AQR: variants seen among roughly 807,000 people sequenced by gnomAD.
AQR encodes RNA helicase aquarius.
Under a neutral mutation model 180.5 loss-of-function variants are expected in AQR, and 61 were observed. That is an observed-to-expected ratio of 0.34 (90% CI 0.28 to 0.42). AQR has a LOEUF of 0.42. Among genes scored for constraint, AQR ranks in the 10% least tolerant of loss-of-function variants. The pLI is 1.00. For synonymous variants in AQR, 551 were observed against 588.8 expected, an observed-to-expected ratio of 0.94 and a Z score of 0.93; for missense variants, 1,281 against 1,798.3, an observed-to-expected ratio of 0.71 and a Z score of 5.20.
chr15:34,926,939 C>T (rs1893773703), intron 13 of AQR, 96 bp downstream of exon 13: 1 of 634,690 alleles, frequency 1.6e-6, no homozygotes, highest in Non-Finnish European at 2.5e-6. Context: ...GTAATATTAT[C>T]TAAAGTACTG....
chr15:34,859,158 A>G (rs1892633616), intron 34 of AQR, among the ~76,000 whole-genome samples: 1 of 152,224 alleles, frequency 6.6e-6, no homozygotes, highest in African/African-American at 2.4e-5. Context: ...TAAAATACAT[A>G]TCAGATAAAG....
chr15:34,874,843 G>C lies in AQR; in HGVS notation c.3259C>G (p.Arg1087Gly), dbSNP rs1166192194. Residue 1087 changes from arginine (R) to glycine (G), a missense_variant, in exon 29 of 35, where the codon CGA (arginine) becomes GGA (glycine). This residue lies in a region of AQR where 197 missense variants were observed against 320.7 expected (regional missense o/e 0.61). Coordinates refer to ENST00000156471, the MANE Select transcript of AQR (RefSeq NM_014691.3). ...CCAATCATAATCCATCGTTTTAGTC[G>C]GCTAAATCCATCCTGAGGATTCTAG... ...LLQNPQDGFS[R>G]LKRWIMIGDH... 1.2e-6 allele frequency: 2 copies of C among 1,613,252 alleles called. No individual in the cohort carries two copies. The highest frequency in any genetic ancestry group is 1.7e-6 in the Non-Finnish European group (2 of 1,179,672).
chr15:34,885,412 T>C (rs577088158), intron 25 of AQR, among the ~76,000 whole-genome samples: 13 of 152,322 alleles, frequency 8.5e-5, no homozygotes, highest in African/African-American at 3.1e-4. Context: ...GCAAAATATC[T>C]GAGGAGCTAA....
rs1173243389 is a variant in AQR, at chr15:34,897,645, A to T, written c.2304T>A (p.Asp768Glu). Residue 768 changes from aspartate (D) to glutamate (E), a missense_variant, in exon 21 of 35, where the codon GAT becomes GAA. This residue lies in a region of AQR where 112 missense variants were observed against 128.6 expected (regional missense o/e 0.87). Coordinates refer to ENST00000156471, the MANE Select transcript of AQR (RefSeq NM_014691.3). ...AGGTTTTTGCTTCCTCGGTGTCTTC[A>T]TCTTCCACATCCGCATCTTTCCTTT... ...GKKRKDADVE[D>E]EDTEEAKTLI... 4 of 1,614,100 alleles carry T rather than the reference A, an allele frequency of 2.5e-6. No homozygotes were observed. Among genetic ancestry groups the T allele is most frequent in the Non-Finnish European group, 3.4e-6 (4 of 1,179,978 alleles).
chr15:34,913,474 G>A (rs1381107788), intron 16 of AQR, among the ~76,000 whole-genome samples: 2 of 152,082 alleles, frequency 1.3e-5, no homozygotes, highest in Non-Finnish European at 1.5e-5. Flanking sequence ...TCAATGATGG[G>A]CATTAAAAAT....
chr15:34,954,727 ACT>A (rs1269518728), intron 3 of AQR, among the ~76,000 whole-genome samples: 1 of 152,186 alleles, frequency 6.6e-6, no homozygotes, highest in Non-Finnish European at 1.5e-5. Flanking sequence ...TTGCCAATGA[ACT>A]CTCTGAGACA....
intron 25 of AQR, among the ~76,000 whole-genome samples, chr15:34,886,251 G>C (rs990945724): frequency 1.3e-5 from 2 of 152,032 alleles, no homozygotes; most frequent in African/African-American, 4.8e-5. Flanking sequence ...AAAGAAAAAA[G>C]AGTGACTAGA....
At chr15:34,941,081 T>C in intron 7 of AQR, 82 bp from the exon 8 acceptor site, 1 of 937,970 alleles carries the variant, frequency 1.1e-6, no homozygotes, top group East Asian at 2.5e-5. Flanking sequence ...TTGCTAGTTT[T>C]CTAATATATG....
intron 34 of AQR, 59 bp downstream of exon 34, chr15:34,859,983 G>GA: frequency 3.2e-6 from 3 of 932,978 alleles, no homozygotes; most frequent in Middle Eastern, 3.2e-4. Context: ...GATTTATTCT[G>GA]AAAAAAAGAA....
chr15:34,959,833 T>C (rs1241936884), intron 3 of AQR, among the ~76,000 whole-genome samples: 1 of 152,208 alleles, frequency 6.6e-6, no homozygotes, highest in Non-Finnish European at 1.5e-5. Flanking sequence ...ATTCCCTGCC[T>C]CTTGCTCCCT....
chr15:34,914,074 G>C (rs1893541729), intron 16 of AQR, among the ~76,000 whole-genome samples: 1 of 152,236 alleles, frequency 6.6e-6, no homozygotes, highest in East Asian at 1.9e-4. Flanking sequence ...GAAGATACCT[G>C]AATCAGTTCA....
chr15:34,877,095 T>C (rs1566980486), intron 27 of AQR, among the ~76,000 whole-genome samples: 1 of 152,220 alleles, frequency 6.6e-6, no homozygotes, highest in African/African-American at 2.4e-5. Context: ...TATTACACAT[T>C]TGTAAAAGAA....
intron 1 of AQR, among the ~76,000 whole-genome samples, chr15:34,965,235 T>C (rs1009392789): frequency 7.9e-5 from 12 of 152,248 alleles, no homozygotes; most frequent in African/African-American, 2.9e-4. Context: ...TTAATTGGAA[T>C]ACTTAAGAGA....
At chr15:34,938,919 T>G (rs1295613532) in intron 8 of AQR, 106 bp from the exon 9 acceptor site, 14 of 778,490 alleles carry the variant, frequency 1.8e-5, no homozygotes, top group Non-Finnish European at 3.0e-5. Context: ...ACTGTTCATT[T>G]CTTTGTGAAG....
In AQR at chr15:34,930,248, T is replaced by A; in HGVS notation, c.1014+10A>T. ...TGGAGCATACACAGTCTATAATGTA[T>A]TTTAATTACCTGTAGAGAAGTAATT... On this transcript the variant is annotated intron_variant, in intron 12 of 34. Transcript: ENST00000156471. The A allele has an allele frequency of 6.6e-7, 1 of 1,521,998 alleles. No homozygotes were observed. The highest frequency in any genetic ancestry group is 1.1e-5 in the South Asian group (1 of 88,960). 94.3% of individuals were successfully genotyped at this position (1,521,998 alleles called of 1,614,324 possible).
intron 3 of AQR, among the ~76,000 whole-genome samples, chr15:34,956,024 A>G (rs1476151686): frequency 6.6e-6 from 1 of 152,162 alleles, no homozygotes; most frequent in East Asian, 1.9e-4. Flanking sequence ...GCATACTTAC[A>G]TATTATAATG....
At position 34,900,895 on chromosome 15, in the gene AQR, C is replaced by A; in HGVS notation, c.2002-32G>T. The A allele has an allele frequency of 1.9e-6, 3 of 1,552,420 alleles. No homozygotes were observed. In the South Asian group the frequency reaches 3.7e-5, roughly 19 times the overall value. On this transcript the variant is annotated intron_variant, in intron 19 of 34. Transcript: ENST00000156471. ...GTAAAAGGACAGAAAAAGATTGTGT[C>A]AGTATGACATCTCCAACATTTGCAC...
At chr15:34,912,464 T>C (rs1421936495) in intron 16 of AQR, among the ~76,000 whole-genome samples, 1 of 152,134 alleles carries the variant, frequency 6.6e-6, no homozygotes, top group African/African-American at 2.4e-5. Flanking sequence ...TAAAGACCAT[T>C]TCAATTGTTA....
In AQR at chr15:34,944,326, C is replaced by T; in HGVS notation, c.433G>A (p.Val145Ile). 6.2e-7 allele frequency: 1 copy of T among 1,608,198 alleles called. No individual in the cohort carries two copies. The highest frequency in any genetic ancestry group is 8.5e-7 in the Non-Finnish European group (1 of 1,177,828). The change falls in exon 6 of 35, where the codon GTC becomes ATC. Residue 145 changes from valine to isoleucine, a missense_variant. Transcript: ENST00000156471. ...CAATGATCAAGAAAAAGTAGTAAGA[C>T]TGTCTGTTCATGAAGTGAAAATTCA... is the stretch of plus-strand genomic sequence containing the variant. The part of the protein sequence containing the change: ...DGEFSLHEQT[V>I]LLLFLDHCFN...
Sources: gnomAD v4.1 joint callset for allele counts (sites outside exome capture counted in the v4.1 genomes callset) on GRCh38, gnomAD v4.1.1 for gene constraint, gnomAD v4.1.1 regional missense constraint, MANE v1.5 for transcripts, NCBI Gene and HGNC (gene_info 2026-07-23, HGNC 2026-07-21) for gene names.